The following GNAQ variants were observed in gnomAD, a reference collection of about 807,000 sequenced individuals.
The protein encoded by GNAQ is G protein subunit alpha q.
GNAQ carries 8 observed loss-of-function variants against 43.9 expected under a neutral mutation model. That is an observed-to-expected ratio of 0.18 (90% confidence interval 0.11 to 0.33). The LOEUF (loss-of-function observed/expected upper bound fraction) is 0.33. GNAQ is among the 10% of genes least tolerant of loss of function. The pLI is 1.00. For missense variants in GNAQ, 158 were observed against 450.8 expected, an observed-to-expected ratio of 0.35 and a Z score of 5.88; for synonymous variants, 155 against 170.7, an observed-to-expected ratio of 0.91 and a Z score of 0.71.
intron 1 of GNAQ, among the ~76,000 whole-genome samples, chr9:77,957,067 CT>C (rs1044808760): frequency 1.3e-5 from 2 of 152,048 alleles, no homozygotes; most frequent in African/African-American, 4.8e-5. Context: ...AATGTAAAAA[CT>C]TAATAATAGG....
At chr9:77,807,226 G>T (rs1161178968) in intron 3 of GNAQ, among the ~76,000 whole-genome samples, 1 of 152,182 alleles carries the variant, frequency 6.6e-6, no homozygotes, top group Non-Finnish European at 1.5e-5. Flanking sequence ...GGTGCTGAAT[G>T]ACCTTATGGG....
chr9:77,810,217 T>TCTAA (rs1358010555), intron 3 of GNAQ, among the ~76,000 whole-genome samples: 2 of 85,724 alleles, frequency 2.3e-5, no homozygotes, highest in African/African-American at 1.2e-4. Flanking sequence ...CATCTATCTA[T>TCTAA]CTATCTATCT....
At chr9:77,884,866 G>T (rs1211023223) in intron 2 of GNAQ, among the ~76,000 whole-genome samples, 1 of 152,192 alleles carries the variant, frequency 6.6e-6, no homozygotes, top group Non-Finnish European at 1.5e-5. Context: ...ATCCCTTGTA[G>T]GTGTCAGAGT....
chr9:78,002,583 T>C (rs1327911376), intron 1 of GNAQ, among the ~76,000 whole-genome samples: 1 of 152,156 alleles, frequency 6.6e-6, no homozygotes, highest in Non-Finnish European at 1.5e-5. Context: ...TTTCAAAGGA[T>C]GACCTAGAAA....
intron 2 of GNAQ, among the ~76,000 whole-genome samples, chr9:77,884,876 T>C (rs183819158): frequency 2.2e-4 from 33 of 152,292 alleles, no homozygotes; most frequent in African/African-American, 7.5e-4. Context: ...GGTGTCAGAG[T>C]TCAGAGAGGG....
At chr9:77,985,877 C>T (rs901141975) in intron 1 of GNAQ, among the ~76,000 whole-genome samples, 78 of 152,094 alleles carry the variant, frequency 5.1e-4, no homozygotes, top group African/African-American at 1.8e-3. Context: ...CATGAGCCAC[C>T]GCACCTGGCC....
chr9:77,895,971 CT>C (rs1231500742), intron 2 of GNAQ, among the ~76,000 whole-genome samples: 4 of 152,122 alleles, frequency 2.6e-5, no homozygotes, highest in Non-Finnish European at 4.4e-5. Flanking sequence ...AAAGCTCTTT[CT>C]TTTGTAAATT....
chr9:77,881,904 G>C (rs1451485623), intron 2 of GNAQ, among the ~76,000 whole-genome samples: 1 of 152,162 alleles, frequency 6.6e-6, no homozygotes, highest in Non-Finnish European at 1.5e-5. Context: ...TTGGGAGGCC[G>C]TGGCAGGCGG....
intron 1 of GNAQ, among the ~76,000 whole-genome samples, chr9:78,020,925 G>A (rs1220467293): frequency 6.6e-6 from 1 of 152,124 alleles, no homozygotes; most frequent in African/African-American, 2.4e-5. Flanking sequence ...TGCCTGCCTG[G>A]CACCTCCAGT....
chr9:77,838,629 G>T (rs1440746994), intron 2 of GNAQ, among the ~76,000 whole-genome samples: 1 of 151,766 alleles, frequency 6.6e-6, no homozygotes, highest in African/African-American at 2.4e-5. Context: ...TGTTAGCTAG[G>T]CTGGTCTCAA....
At chr9:77,831,450 G>A (rs1216333678) in intron 2 of GNAQ, among the ~76,000 whole-genome samples, 1 of 152,128 alleles carries the variant, frequency 6.6e-6, no homozygotes, top group African/African-American at 2.4e-5. Flanking sequence ...TCATATCATT[G>A]ATAATGTGTT....
chr9:77,745,231 T>C (rs983858801), intron 5 of GNAQ, among the ~76,000 whole-genome samples: 7 of 152,104 alleles, frequency 4.6e-5, no homozygotes, highest in Admixed American at 3.3e-4. Context: ...TTCTGCCATC[T>C]TTACACTCTC....
intron 5 of GNAQ, among the ~76,000 whole-genome samples, chr9:77,761,948 C>G (rs1185912765): frequency 0.025 from 541 of 21,994 alleles, no homozygotes; most frequent in Non-Finnish European, 0.03. Flanking sequence ...GAGGGAGGTG[C>G]GGGGGTCAGC....
At position 77,825,229 on chromosome 9, in the gene GNAQ, C is replaced by T. The variant is rs12349931; in HGVS notation, c.322-9459G>A. On this transcript the variant is annotated intron_variant, in intron 2 of 6. Coordinates refer to ENST00000286548, the MANE Select transcript of GNAQ (RefSeq NM_002072.5). ...AGTTTCTAAAAAAACTTATTATGGCCAAAAAGATCTGCTGCAAAATAAAAG... is the reference window on the plus strand; with the variant it reads ...AGTTTCTAAAAAAACTTATTATGGCTAAAAAGATCTGCTGCAAAATAAAAG... Among the ~76,000 whole-genome samples the T allele has an allele frequency of 5.5e-3, 834 of 152,118 alleles. 4 individuals are homozygous for T. The highest frequency in any genetic ancestry group is 0.018 in the African/African-American group (750 of 41,498).
chr9:77,997,555 G>A (rs1006852416), intron 1 of GNAQ, among the ~76,000 whole-genome samples: 2 of 152,152 alleles, frequency 1.3e-5, no homozygotes, highest in Admixed American at 6.5e-5. Context: ...TACAGGTGCC[G>A]GTAAGTCAGG....
intron 1 of GNAQ, among the ~76,000 whole-genome samples, chr9:77,953,146 G>C (rs1156236709): frequency 6.6e-6 from 1 of 152,216 alleles, no homozygotes; most frequent in Non-Finnish European, 1.5e-5. Context: ...CAAGAGGTTA[G>C]GTAAGGCCAA....
intron 2 of GNAQ, among the ~76,000 whole-genome samples, chr9:77,881,338 C>CA (rs1828204010): frequency 6.6e-6 from 1 of 152,150 alleles, no homozygotes; most frequent in Admixed American, 6.5e-5. Context: ...TGGCCAGGGC[C>CA]AAAAGCTCAC....
intron 2 of GNAQ, among the ~76,000 whole-genome samples, chr9:77,817,820 G>A (rs1827043477): frequency 1.3e-5 from 2 of 152,188 alleles, no homozygotes; most frequent in African/African-American, 4.8e-5. Flanking sequence ...AAGTGCAACT[G>A]TGTACGGACC....
At chr9:77,797,444 C>T (rs1041707248) in intron 4 of GNAQ, 76 bp downstream of exon 4, 1 of 1,068,152 alleles carries the variant, frequency 9.4e-7, no homozygotes, top group South Asian at 1.3e-5. Flanking sequence ...ACACATGATT[C>T]CAGTATTTAT....
Sources: allele counts gnomAD v4.1 joint callset (sites outside exome capture counted in the v4.1 genomes callset), GRCh38; gene constraint gnomAD v4.1.1; transcripts MANE v1.5; gene names NCBI Gene and HGNC (gene_info 2026-07-23, HGNC 2026-07-21).